The following LSAMP variants were observed in gnomAD, a reference collection of about 807,000 sequenced individuals.
LSAMP encodes limbic system associated membrane protein.
Under a neutral mutation model 38.6 loss-of-function variants are expected in LSAMP, and 7 were observed. That is an observed-to-expected ratio of 0.18 (90% CI 0.10 to 0.34). The LOEUF is 0.34. Among genes scored for constraint, LSAMP ranks in the 10% least tolerant of loss-of-function variants. The pLI, the probability that LSAMP is intolerant of heterozygous loss-of-function variation, is 1.00. For synonymous variants in LSAMP, 154 were observed against 166.8 expected (o/e 0.92, Z 0.59); for missense variants, 313 against 420.0 (o/e 0.75, Z 2.23).
chr3:115,873,170 G>T (rs1403994691), intron 3 of LSAMP, among the ~76,000 whole-genome samples: 1 of 152,032 alleles, frequency 6.6e-6, no homozygotes, highest in African/African-American at 2.4e-5. Flanking sequence ...AGGAGTTCAA[G>T]ACCAGCCTGG....
At chr3:116,342,964 G>C (rs1559834775) in intron 1 of LSAMP, among the ~76,000 whole-genome samples, 1 of 152,068 alleles carries the variant, frequency 6.6e-6, no homozygotes, top group Non-Finnish European at 1.5e-5. Flanking sequence ...AAGAAATAAA[G>C]TGAAAGAGAG....
At chr3:116,436,861 G>A (rs564871203) in intron 1 of LSAMP, among the ~76,000 whole-genome samples, 5 of 152,040 alleles carry the variant, frequency 3.3e-5, no homozygotes, top group Admixed American at 2.6e-4. Context: ...GTCATTATTC[G>A]AAAAAGATAC....
intron 3 of LSAMP, among the ~76,000 whole-genome samples, chr3:115,967,076 T>A (rs61688074): frequency 0.27 from 40,468 of 151,978 alleles, 6,520 homozygotes; most frequent in African/African-American, 0.46. Flanking sequence ...AGAAAATGGG[T>A]TTTTCTTTTC....
chr3:116,209,258 TCG>T (rs2046118741), intron 1 of LSAMP, among the ~76,000 whole-genome samples: 1 of 152,162 alleles, frequency 6.6e-6, no homozygotes, highest in Admixed American at 6.5e-5. Context: ...CTGCTTTGGC[TCG>T]CGCACGGTGC....
intron 1 of LSAMP, among the ~76,000 whole-genome samples, chr3:116,243,792 T>A (rs4831125): frequency 0.57 from 86,000 of 152,188 alleles, 28,462 homozygotes; most frequent in South Asian, 0.79. Flanking sequence ...TGGGATTAAA[T>A]GAAAATAACA....
intron 1 of LSAMP, among the ~76,000 whole-genome samples, chr3:116,275,118 T>A (rs2047031442): frequency 6.6e-6 from 1 of 152,120 alleles, no homozygotes. Context: ...AGTGGCATCA[T>A]CATAGCTTAC....
chr3:116,024,076 G>T (rs1036066306), intron 2 of LSAMP, among the ~76,000 whole-genome samples: 2 of 152,070 alleles, frequency 1.3e-5, no homozygotes, highest in African/African-American at 2.4e-5. Flanking sequence ...GATCCACAAT[G>T]GGTGAAATGC....
chr3:116,413,900 T>C (rs1461636321), intron 1 of LSAMP, among the ~76,000 whole-genome samples: 1 of 86,100 alleles, frequency 1.2e-5, no homozygotes, highest in Non-Finnish European at 3.0e-5. Flanking sequence ...CACAGAAAAT[T>C]ACAAAAAAAA....
At chr3:116,282,019 C>T (rs2047133207) in intron 1 of LSAMP, among the ~76,000 whole-genome samples, 1 of 152,178 alleles carries the variant, frequency 6.6e-6, no homozygotes. Flanking sequence ...ACATGTGCTG[C>T]TGCTTTGTTT....
At chr3:115,822,163 C>G (rs1381888168) in intron 6 of LSAMP, among the ~76,000 whole-genome samples, 1 of 151,930 alleles carries the variant, frequency 6.6e-6, no homozygotes, top group Non-Finnish European at 1.5e-5. Flanking sequence ...TGATATTCTC[C>G]CATGTATGAT....
intron 2 of LSAMP, among the ~76,000 whole-genome samples, chr3:116,048,820 G>T (rs1941340133): frequency 6.6e-6 from 1 of 152,142 alleles, no homozygotes; most frequent in Non-Finnish European, 1.5e-5. Flanking sequence ...AATCAAACCA[G>T]TGTTCCGGTT....
intron 3 of LSAMP, among the ~76,000 whole-genome samples, chr3:116,015,356 A>C (rs1158197510): frequency 6.6e-6 from 1 of 152,156 alleles, no homozygotes; most frequent in African/African-American, 2.4e-5. Flanking sequence ...ATGTGAGAAG[A>C]AAGACTTAGA....
intron 1 of LSAMP, among the ~76,000 whole-genome samples, chr3:116,140,506 G>A (rs963837551): frequency 1.3e-5 from 2 of 151,978 alleles, no homozygotes; most frequent in Admixed American, 6.6e-5. Context: ...TTCTGAATTG[G>A]CCAGAATAAC....
At chr3:116,383,257 T>G (rs1274146670) in intron 1 of LSAMP, among the ~76,000 whole-genome samples, 2 of 152,144 alleles carry the variant, frequency 1.3e-5, no homozygotes, top group African/African-American at 4.8e-5. Flanking sequence ...TTCTACTCCC[T>G]CTTCTAAATC....
At chr3:116,211,598 T>C (rs1355085257) in intron 1 of LSAMP, among the ~76,000 whole-genome samples, 1 of 152,232 alleles carries the variant, frequency 6.6e-6, no homozygotes, top group Admixed American at 6.5e-5. Flanking sequence ...AAGTGAATAC[T>C]GAGAAACCAA....
chr3:115,948,757 A>G (rs1938187739), intron 3 of LSAMP, among the ~76,000 whole-genome samples: 1 of 152,250 alleles, frequency 6.6e-6, no homozygotes, highest in African/African-American at 2.4e-5. Context: ...CAAACCCAGC[A>G]TAAGAAAAGA....
chr3:115,843,447 G>C (rs1394422754), intron 4 of LSAMP, among the ~76,000 whole-genome samples: 2 of 152,220 alleles, frequency 1.3e-5, no homozygotes, highest in African/African-American at 4.8e-5. Flanking sequence ...TCCTGAACTG[G>C]ATGATGCTGT....
At chr3:115,990,388 T>TC (rs1939633271) in intron 3 of LSAMP, among the ~76,000 whole-genome samples, 1 of 152,118 alleles carries the variant, frequency 6.6e-6, no homozygotes, top group African/African-American at 2.4e-5. Context: ...ACAGGCAGCT[T>TC]CTGATTAGCA....
At chr3:115,884,044 T>C (rs1356598524) in intron 3 of LSAMP, among the ~76,000 whole-genome samples, 3 of 152,034 alleles carry the variant, frequency 2.0e-5, no homozygotes, top group African/African-American at 7.2e-5. Flanking sequence ...AATGTAGTAA[T>C]TGGAAAATTT....
Sources: allele counts gnomAD v4.1 joint callset (sites outside exome capture counted in the v4.1 genomes callset), GRCh38; gene constraint gnomAD v4.1.1; transcripts MANE v1.5; gene names NCBI Gene and HGNC (gene_info 2026-07-23, HGNC 2026-07-21).